The following PRDM15 variants were observed in gnomAD, a reference collection of about 807,000 sequenced individuals.
The protein encoded by PRDM15 is PR domain zinc finger protein 15.
A neutral mutation model predicts 128.6 loss-of-function variants in PRDM15; 64 were observed. The observed-to-expected ratio is 0.50, with a 90% confidence interval of 0.41 to 0.61. The LOEUF is 0.61. Ranked by LOEUF, PRDM15 falls within the 20% of genes least tolerant of loss-of-function variation. PRDM15 has a pLI of 0.00. For missense variants in PRDM15, 1,242 were observed against 1,569.1 expected (o/e 0.79, Z 3.52); for synonymous variants, 615 against 621.8 (o/e 0.99, Z 0.16).
chr21:41,820,518 C>T (rs1379890419), intron 16 of PRDM15, among the ~76,000 whole-genome samples: 1 of 152,138 alleles, frequency 6.6e-6, no homozygotes, highest in East Asian at 1.9e-4. Flanking sequence ...GTGGAACGGC[C>T]CTATGAGGAC....
intron 21 of PRDM15, among the ~76,000 whole-genome samples, chr21:41,806,413 C>A: frequency 2.1e-5 from 1 of 46,682 alleles, no homozygotes; most frequent in Non-Finnish European, 4.9e-5. Context: ...CCACCACCAT[C>A]ACCACCACCA....
At position 41,861,670 on chromosome 21, in the gene PRDM15, C is replaced by T. The variant is rs573114210; in HGVS notation, c.-9-1298G>A. ...TGCTGATTCCACACGCCCTCCACCC[C>T]GCTCATCCCCAGCAGCTTGAAGGGT... On this transcript the variant is annotated intron_variant, in intron 1 of 23. Coordinates refer to ENST00000398548, the MANE Select transcript of PRDM15 (RefSeq NM_001040424.3). 5.3e-5 allele frequency: 85 copies of T among 1,614,150 alleles called. 2 individuals carry two copies. The highest frequency in any genetic ancestry group is 2.5e-4 in the African/African-American group (19 of 75,030).
rs778027486 is a variant in PRDM15, at chr21:41,825,948, TGCGA to T, written c.1629+8_1629+11del. The T allele has an allele frequency of 6.2e-7, 1 of 1,600,956 alleles. No individual in the cohort carries two copies. The highest frequency in any genetic ancestry group is 1.1e-5 in the South Asian group (1 of 90,842). On this transcript the variant is annotated splice_region_variant and intron_variant, in intron 13 of 23. Transcript: ENST00000398548. ...TTCCATCTCAGCGTCCGACGTGGAC[TGCGA>T]GCATTACCTTGCCACACACCGGGCA...
chr21:41,852,218 G>A (rs1374903344), intron 5 of PRDM15, among the ~76,000 whole-genome samples: 2 of 152,262 alleles, frequency 1.3e-5, no homozygotes, highest in African/African-American at 4.8e-5. Context: ...TGAGGGTGGT[G>A]AGGGCATCCC....
rs1489822368 is a variant in PRDM15, at chr21:41,857,192, G to A, written c.269C>T (p.Ser90Phe). 9 of 1,613,416 alleles carry A rather than the reference G, an allele frequency of 5.6e-6. No homozygotes were observed. Among genetic ancestry groups the A allele is most frequent in the Non-Finnish European group, 7.6e-6 (9 of 1,179,664 alleles). Reference protein sequence around the residue: ...SRRVAKWEKESAFPLKVFQKD... With the variant: ...SRRVAKWEKEFAFPLKVFQKD... Reference sequence around the variant, plus strand: ...AGCCTTTACCTTCAGGGGAAATGCAGACTCCTTTTCCCATTTGGCGACCCT... The same window carrying A: ...AGCCTTTACCTTCAGGGGAAATGCAAACTCCTTTTCCCATTTGGCGACCCT... Residue 90 changes from serine to phenylalanine, a missense_variant, in exon 4 of 24, where the codon TCT becomes TTT. Coordinates refer to ENST00000398548, the MANE Select transcript of PRDM15 (RefSeq NM_001040424.3).
intron 18 of PRDM15, among the ~76,000 whole-genome samples, chr21:41,817,774 C>G (rs1020464373): frequency 2.6e-5 from 4 of 152,162 alleles, no homozygotes; most frequent in Admixed American, 6.5e-5. Context: ...GTACTAGCAA[C>G]TGTTGCGTGA....
chr21:41,864,787 C>A (rs1489822410), intron 1 of PRDM15, among the ~76,000 whole-genome samples: 2 of 152,138 alleles, frequency 1.3e-5, no homozygotes, highest in Non-Finnish European at 2.9e-5. Context: ...GCTTGCCAGC[C>A]TGAAGCTTCA....
intron 19 of PRDM15, chr21:41,814,060 A>C (rs1209702540): frequency 6.9e-6 from 1 of 144,834 alleles, no homozygotes; most frequent in African/African-American, 2.6e-5. Flanking sequence ...AGGGTGCTCT[A>C]GTGTGTTATG....
Position 41,828,056 on chromosome 21 carries a change from G to A in PRDM15, c.1534+110C>T. The A allele has an allele frequency of 9.1e-7, 1 of 1,096,260 alleles. No homozygotes were observed. The highest frequency in any genetic ancestry group is 1.3e-6 in the Non-Finnish European group (1 of 746,320). 67.9% of individuals were successfully genotyped at this position (1,096,260 alleles called of 1,614,324 possible). On this transcript the variant is annotated intron_variant, in intron 12 of 23. Transcript: ENST00000398548. The surrounding 1 kb of genome is among the most constrained non-coding windows in gnomAD (Gnocchi z 5.7). ...GCGGGCGTTTCCAGGCAAAGGAGCA[G>A]GCGGCACCGAACTGCTCCCCAAAGG... is the stretch of plus-strand genomic sequence containing the variant.
At chr21:41,829,064 CAT>C (rs1175670674) in intron 11 of PRDM15, among the ~76,000 whole-genome samples, 1 of 146,400 alleles carries the variant, frequency 6.8e-6, no homozygotes, top group African/African-American at 2.5e-5. Context: ...TCACACACAC[CAT>C]ACACACACCA....
intron 11 of PRDM15, among the ~76,000 whole-genome samples, chr21:41,829,728 C>T (rs1210441380): frequency 1.3e-5 from 2 of 150,594 alleles, no homozygotes; most frequent in African/African-American, 2.4e-5. Flanking sequence ...ACGAGCCCCA[C>T]ATAAATGCAC....
In PRDM15 at chr21:41,857,346, A is replaced by G; in HGVS notation, c.132-17T>C. 3 of 1,613,352 alleles carry G rather than the reference A, an allele frequency of 1.9e-6. No homozygotes were observed. Among genetic ancestry groups the G allele is most frequent in the Non-Finnish European group, 2.5e-6 (3 of 1,179,944 alleles). On this transcript the variant is annotated splice_polypyrimidine_tract_variant and intron_variant, in intron 3 of 23. Coordinates refer to ENST00000398548, the MANE Select transcript of PRDM15 (RefSeq NM_001040424.3). ...AGGGATGACCTGGAAATGGAATAAA[A>G]CAAGACTCAAAAGAGAGCACTCACA...
intron 8 of PRDM15, 148 bp downstream of exon 8, chr21:41,837,786 G>C: frequency 4.7e-6 from 2 of 423,806 alleles, no homozygotes; most frequent in Non-Finnish European, 8.3e-6. Context: ...CTGAGCTCCA[G>C]AACATTCCTG....
chr21:41,866,643 C>T (rs1353377161), intron 1 of PRDM15, among the ~76,000 whole-genome samples: 3 of 152,256 alleles, frequency 2.0e-5, no homozygotes, highest in Non-Finnish European at 4.4e-5. Flanking sequence ...AGCCTGGCAC[C>T]CACAAGACCA....
At chr21:41,841,666 G>A (rs1481729226) in intron 6 of PRDM15, among the ~76,000 whole-genome samples, 1 of 152,150 alleles carries the variant, frequency 6.6e-6, no homozygotes, top group African/African-American at 2.4e-5. Context: ...CTAAAATATG[G>A]GAGGAAGAGA....
At chr21:41,861,672 C>G (rs1377344866) in intron 1 of PRDM15, 1 of 1,614,056 alleles carries the variant, frequency 6.2e-7, no homozygotes, top group Non-Finnish European at 8.5e-7. Context: ...CTCCACCCCG[C>G]TCATCCCCAG....
chr21:41,837,359 G>A (rs2062928999), intron 8 of PRDM15, among the ~76,000 whole-genome samples: 2 of 152,246 alleles, frequency 1.3e-5, no homozygotes, highest in African/African-American at 2.4e-5. Flanking sequence ...GCATATGCAT[G>A]ATGGTATATT....
At chr21:41,847,470 T>C (rs1192035633) in intron 5 of PRDM15, among the ~76,000 whole-genome samples, 1 of 152,134 alleles carries the variant, frequency 6.6e-6, no homozygotes, top group Non-Finnish European at 1.5e-5. Context: ...TGAGAACTCC[T>C]CCAAGAAGCC....
At chr21:41,829,574 A>G (rs900790169) in intron 11 of PRDM15, among the ~76,000 whole-genome samples, 1,615 of 122,706 alleles carry the variant, frequency 0.013, 32 homozygotes, top group African/African-American at 0.049. Context: ...CAACCCACAA[A>G]CAGACATTCA....
Sources: gnomAD v4.1 joint callset for allele counts (sites outside exome capture counted in the v4.1 genomes callset) on GRCh38, gnomAD v4.1.1 for gene constraint, Gnocchi (gnomAD v3.1) non-coding constraint, MANE v1.5 for transcripts, NCBI Gene and HGNC (gene_info 2026-07-23, HGNC 2026-07-21) for gene names.